Variants in SEMA3A observed in about 807,000 individuals in gnomAD.
SEMA3A encodes semaphorin-3A.
Under a neutral mutation model 97.9 loss-of-function variants are expected in SEMA3A, and 29 were observed. That is an observed-to-expected ratio of 0.30 (90% CI 0.22 to 0.40). The LOEUF (loss-of-function observed/expected upper bound fraction) is 0.40. SEMA3A is among the 10% of genes least tolerant of loss of function. The probability of loss-of-function intolerance (pLI) is 1.00; values close to 1 mark genes in which losing one functional copy is unlikely to be tolerated. For synonymous variants in SEMA3A, 321 were observed against 323.7 expected, an observed-to-expected ratio of 0.99 and a Z score of 0.09; for missense variants, 763 against 951.3, an observed-to-expected ratio of 0.80 and a Z score of 2.60.
chr7:84,147,424 T>C (rs1229268201), intron 1 of SEMA3A, among the ~76,000 whole-genome samples: 1 of 152,158 alleles, frequency 6.6e-6, no homozygotes, highest in African/African-American at 2.4e-5. Flanking sequence ...TCTGTATGAG[T>C]GCAAACATAC....
chr7:83,971,865 T>C (rs1430504048), intron 15 of SEMA3A, among the ~76,000 whole-genome samples: 1 of 152,142 alleles, frequency 6.6e-6, no homozygotes, highest in Non-Finnish European at 1.5e-5. Flanking sequence ...TAAGATGTCT[T>C]TGGTGCTGGG....
At chr7:84,019,744 T>C (rs1254119380) in intron 6 of SEMA3A, among the ~76,000 whole-genome samples, 1 of 152,116 alleles carries the variant, frequency 6.6e-6, no homozygotes, top group Non-Finnish European at 1.5e-5. Context: ...AAAATAGATT[T>C]GTATACTTAT....
At chr7:84,215,431 GCC>G (rs10717762) in intron 3 of SEMA3A, among the ~76,000 whole-genome samples, 1 of 151,384 alleles carries the variant, frequency 6.6e-6, no homozygotes, top group Non-Finnish European at 1.5e-5. Flanking sequence ...TAGATGATCC[GCC>G]CCCCCCTTGG....
intron 1 of SEMA3A, among the ~76,000 whole-genome samples, chr7:84,479,352 C>T (rs1051939144): frequency 1.2e-4 from 18 of 152,172 alleles, no homozygotes; most frequent in African/African-American, 3.6e-4. Flanking sequence ...AAACAGCAAA[C>T]GGGGGATACA....
intron 12 of SEMA3A, among the ~76,000 whole-genome samples, chr7:83,988,320 G>T (rs1053084478): frequency 2.0e-5 from 3 of 151,444 alleles, no homozygotes; most frequent in African/African-American, 7.3e-5. Context: ...TCTGCCCCTC[G>T]GGTTCATGCC....
intron 3 of SEMA3A, among the ~76,000 whole-genome samples, chr7:84,200,862 T>C (rs959128438): frequency 1.3e-5 from 2 of 150,924 alleles, no homozygotes; most frequent in African/African-American, 4.9e-5. Flanking sequence ...AGTTTTCAAG[T>C]GAGACAAAAA....
intron 2 of SEMA3A, among the ~76,000 whole-genome samples, chr7:84,318,746 G>C (rs1347872062): frequency 6.6e-6 from 1 of 152,214 alleles, no homozygotes; most frequent in East Asian, 1.9e-4. Context: ...CTTATCTTGT[G>C]ACTTGGGTGA....
chr7:84,159,156 CCT>C (rs1407272866), intron 1 of SEMA3A, among the ~76,000 whole-genome samples: 2 of 151,996 alleles, frequency 1.3e-5, no homozygotes, highest in Non-Finnish European at 2.9e-5. Context: ...TCCACCTTCC[CCT>C]CTTTGTAGAA....
At position 84,286,442 on chromosome 7, in the gene SEMA3A, T is replaced by C. The variant is rs569456295; in HGVS notation, c.-83+20765A>G. Among the ~76,000 whole-genome samples, 335 of 152,278 alleles carry C rather than the reference T, an allele frequency of 2.2e-3. 1 individual carries two copies. Among genetic ancestry groups the C allele is most frequent in the Non-Finnish European group, 3.3e-3 (223 of 68,014 alleles). On this transcript the variant is annotated intron_variant, in intron 3 of 3. Coordinates refer to the SEMA3A transcript ENST00000424555. ...GCTGACAATGTTGTATCTAAAATAG[T>C]AGACTTTGATAAACAACAAATATAA...
At chr7:84,303,645 A>C (rs1277858245) in intron 3 of SEMA3A, among the ~76,000 whole-genome samples, 1 of 152,142 alleles carries the variant, frequency 6.6e-6, no homozygotes, top group African/African-American at 2.4e-5. Context: ...ATGATGCAGA[A>C]GTGATAGACA....
chr7:84,253,614 G>A (rs1207474921), intron 3 of SEMA3A, among the ~76,000 whole-genome samples: 1 of 152,154 alleles, frequency 6.6e-6, no homozygotes, highest in Non-Finnish European at 1.5e-5. Flanking sequence ...GGGGTGCAAA[G>A]TTGGGGTGGT....
At chr7:83,962,623 A>G (rs1416490068) in intron 16 of SEMA3A, among the ~76,000 whole-genome samples, 1 of 152,198 alleles carries the variant, frequency 6.6e-6, no homozygotes, top group Non-Finnish European at 1.5e-5. Flanking sequence ...AAAGGCTCGT[A>G]GTGCTCACTA....
intron 4 of SEMA3A, among the ~76,000 whole-genome samples, chr7:84,103,688 G>A (rs1795023552): frequency 6.6e-6 from 1 of 151,480 alleles, no homozygotes; most frequent in African/African-American, 2.4e-5. Flanking sequence ...CTTAAACTTT[G>A]GTTTTAAAAT....
rs186778547 is a variant in SEMA3A, at chr7:84,343,789, T to G, written c.-169+28035A>C. On this transcript the variant is annotated intron_variant, in intron 2 of 3. Transcript: ENST00000424555. ...CCGAGGGGAGAGGAGCTCAGGAGTG[T>G]AAAACAAGCCTGAGGAACATAATAA... Among the ~76,000 whole-genome samples, 18 of 152,164 alleles carry G rather than the reference T, an allele frequency of 1.2e-4. No individual in the cohort carries two copies. In the East Asian group the frequency reaches 3.5e-3, roughly 29 times the overall value.
chr7:84,446,678 T>A (rs1216687567), intron 1 of SEMA3A, among the ~76,000 whole-genome samples: 1 of 152,154 alleles, frequency 6.6e-6, no homozygotes, highest in Non-Finnish European at 1.5e-5. Context: ...AGGCCATATA[T>A]GAAAGCACTC....
chr7:83,972,373 T>A, intron 15 of SEMA3A, among the ~76,000 whole-genome samples: 1 of 151,994 alleles, frequency 6.6e-6, no homozygotes, highest in East Asian at 1.9e-4. Context: ...AATACCAATA[T>A]GAAGATATCT....
intron 1 of SEMA3A, among the ~76,000 whole-genome samples, chr7:84,468,793 T>C (rs1183819759): frequency 6.6e-6 from 1 of 152,082 alleles, no homozygotes; most frequent in Non-Finnish European, 1.5e-5. Flanking sequence ...GTATTAGATT[T>C]ATATCAAGAA....
Position 84,115,279 on chromosome 7 carries a change from C to T in SEMA3A, c.334-4690G>A, listed in dbSNP as rs951042576. Among the ~76,000 whole-genome samples, 41 of 152,026 alleles carry T rather than the reference C, an allele frequency of 2.7e-4. 1 individual carries two copies. Among genetic ancestry groups the T allele is most frequent in the African/African-American group, 8.7e-4 (36 of 41,426 alleles). The stretch of plus-strand genomic sequence containing the variant: ...TTAAACTAAATGAAGACTCTCTGTA[C>T]AAGGCTCCCAAATTATTTTACTTAA... On this transcript the variant is annotated intron_variant, in intron 3 of 16. Transcript: ENST00000265362.
chr7:83,980,621 A>ATAT (rs1179670067), intron 14 of SEMA3A, among the ~76,000 whole-genome samples: 5 of 80,642 alleles, frequency 6.2e-5, no homozygotes, highest in African/African-American at 3.3e-4. Context: ...AAAAAAAAAA[A>ATAT]AAATATATAT....
Sources: allele counts gnomAD v4.1 joint callset (sites outside exome capture counted in the v4.1 genomes callset), GRCh38; gene constraint gnomAD v4.1.1; transcripts MANE v1.5; gene names NCBI Gene and HGNC (gene_info 2026-07-23, HGNC 2026-07-21).